TGFB2: variants seen among roughly 807,000 people sequenced by gnomAD.
TGFB2 encodes transforming growth factor beta 2.
A neutral mutation model predicts 42.7 loss-of-function variants in TGFB2; 13 were observed. The observed-to-expected ratio is 0.30, with a 90% CI of 0.20 to 0.48. The LOEUF is 0.48. Among genes scored for constraint, TGFB2 ranks in the 20% least tolerant of loss-of-function variants. The pLI is 0.99. For missense variants in TGFB2, 390 were observed against 517.5 expected (o/e 0.75, Z 2.39); for synonymous variants, 193 against 193.6 (o/e 1.00, Z 0.03).
intron 1 of TGFB2, among the ~76,000 whole-genome samples, chr1:218,396,474 G>T (rs565973039): frequency 6.6e-6 from 1 of 151,876 alleles, no homozygotes; most frequent in Non-Finnish European, 1.5e-5. Context: ...GAGTACACAG[G>T]TTCTTCCAGG....
At chr1:218,379,997 C>G (rs1284085450) in intron 1 of TGFB2, among the ~76,000 whole-genome samples, 1 of 152,156 alleles carries the variant, frequency 6.6e-6, no homozygotes, top group East Asian at 1.9e-4. Context: ...CTCTTCTAAA[C>G]ACTTTTAGAG....
chr1:218,377,820 A>T (rs961787452), intron 1 of TGFB2, among the ~76,000 whole-genome samples: 6 of 152,166 alleles, frequency 3.9e-5, no homozygotes, highest in Non-Finnish European at 8.8e-5. Context: ...GACCTTACTG[A>T]GAAAAAAGTC....
intron 2 of TGFB2, among the ~76,000 whole-genome samples, chr1:218,432,590 A>G (rs528250187): frequency 6.6e-6 from 1 of 152,360 alleles, no homozygotes; most frequent in South Asian, 2.1e-4. Flanking sequence ...ACATTTTCAG[A>G]TGAGTGGAAA....
intron 1 of TGFB2, among the ~76,000 whole-genome samples, chr1:218,375,406 AC>A (rs1657707638): frequency 8.3e-6 from 1 of 121,048 alleles, no homozygotes; most frequent in African/African-American, 3.7e-5. Context: ...CCCTTTCTGA[AC>A]TTTTTTTTTT....
At chr1:218,380,259 A>C (rs934856766) in intron 1 of TGFB2, among the ~76,000 whole-genome samples, 1 of 152,222 alleles carries the variant, frequency 6.6e-6, no homozygotes, top group Non-Finnish European at 1.5e-5. Flanking sequence ...AAACTCTGGA[A>C]TGAAAATGGC....
intron 2 of TGFB2, among the ~76,000 whole-genome samples, chr1:218,417,566 A>C (rs1659321824): frequency 6.6e-6 from 1 of 152,252 alleles, no homozygotes; most frequent in African/African-American, 2.4e-5. Context: ...TTGAAGCTGG[A>C]TGCAAAAATT....
At chr1:218,395,665 G>GCAGTGGC (rs1165939743) in intron 1 of TGFB2, among the ~76,000 whole-genome samples, 3 of 148,158 alleles carry the variant, frequency 2.0e-5, no homozygotes, top group South Asian at 2.1e-4. Context: ...AGGCTGGAGT[G>GCAGTGGC]CAGTGGCGCA....
chr1:218,377,926 C>T (rs1226840586), intron 1 of TGFB2, among the ~76,000 whole-genome samples: 1 of 152,136 alleles, frequency 6.6e-6, no homozygotes, highest in African/African-American at 2.4e-5. Context: ...GCCACCACCT[C>T]CTTCGTTTTA....
intron 1 of TGFB2, among the ~76,000 whole-genome samples, chr1:218,371,559 G>A (rs1363208064): frequency 6.6e-6 from 1 of 152,144 alleles, no homozygotes; most frequent in Non-Finnish European, 1.5e-5. Flanking sequence ...GCAGTACCAG[G>A]TTTCTAAAGC....
At chr1:218,375,610 C>A (rs1657716133) in intron 1 of TGFB2, among the ~76,000 whole-genome samples, 1 of 152,006 alleles carries the variant, frequency 6.6e-6, no homozygotes, top group African/African-American at 2.4e-5. Context: ...ATTCTGAAAA[C>A]CATAGAAAAA....
Position 218,346,696 on chromosome 1 carries a change from T to TA in TGFB2, c.1dup. On this transcript the variant is annotated 5_prime_UTR_variant, in exon 1 of 7. Coordinates refer to ENST00000366930, the MANE Select transcript of TGFB2 (RefSeq NM_003238.6). This position sits in a 1 kb window ranked among gnomAD's most constrained non-coding sequence, Gnocchi z 4.9. Reference sequence around the variant, plus strand: ...AAAACAACTTTTTTTTCCACTTTTTTAAAAAATGCACTACTGTGTGCTGAG... The same window carrying TA: ...AAAACAACTTTTTTTTCCACTTTTTTAAAAAAATGCACTACTGTGTGCTGAG... The TA allele has an allele frequency of 6.4e-7, 1 of 1,571,266 alleles. No individual in the cohort carries two copies. The highest frequency in any genetic ancestry group is 8.6e-7 in the Non-Finnish European group (1 of 1,165,906).
intron 1 of TGFB2, among the ~76,000 whole-genome samples, chr1:218,389,497 T>A (rs10482765): frequency 0.013 from 1,941 of 152,328 alleles, 38 homozygotes; most frequent in African/African-American, 0.041. Context: ...AATCCAGTGC[T>A]ACAGTCAGAC....
chr1:218,387,228 G>A (rs1658165840), intron 1 of TGFB2, among the ~76,000 whole-genome samples: 1 of 143,878 alleles, frequency 7.0e-6, no homozygotes, highest in Non-Finnish European at 1.5e-5. Context: ...GCAGAGTCCA[G>A]TATGGCAGGG....
At chr1:218,386,211 A>C (rs1163287014) in intron 1 of TGFB2, among the ~76,000 whole-genome samples, 1 of 151,886 alleles carries the variant, frequency 6.6e-6, no homozygotes, top group Non-Finnish European at 1.5e-5. Flanking sequence ...TTGATTTGCA[A>C]ATTTCCAGCT....
At chr1:218,419,416 C>G (rs561594479) in intron 2 of TGFB2, among the ~76,000 whole-genome samples, 1 of 152,216 alleles carries the variant, frequency 6.6e-6, no homozygotes, top group African/African-American at 2.4e-5. Context: ...GTCGCTTTTC[C>G]CAACACATCC....
intron 2 of TGFB2, among the ~76,000 whole-genome samples, chr1:218,428,641 G>A (rs1407906115): frequency 6.6e-6 from 1 of 152,144 alleles, no homozygotes; most frequent in African/African-American, 2.4e-5. Flanking sequence ...AGATCAGATG[G>A]TCGTAGATGT....
chr1:218,355,190 G>A (rs1656994207), intron 1 of TGFB2, among the ~76,000 whole-genome samples: 1 of 152,124 alleles, frequency 6.6e-6, no homozygotes, highest in South Asian at 2.1e-4. Context: ...CCGAGCCACC[G>A]TGCCCAGCCT....
At chr1:218,419,695 C>T (rs12048582) in intron 2 of TGFB2, among the ~76,000 whole-genome samples, 35,148 of 151,974 alleles carry the variant, frequency 0.23, 4,507 homozygotes, top group East Asian at 0.55. Context: ...CTCATTTATT[C>T]GGATTTGGAA....
intron 1 of TGFB2, among the ~76,000 whole-genome samples, chr1:218,366,748 G>C (rs1657400033): frequency 6.6e-6 from 1 of 152,208 alleles, no homozygotes; most frequent in Non-Finnish European, 1.5e-5. Context: ...ATTTTAAACA[G>C]GCACTGCAGG....
Sources: gnomAD v4.1 joint callset for allele counts (sites outside exome capture counted in the v4.1 genomes callset) on GRCh38, gnomAD v4.1.1 for gene constraint, Gnocchi (gnomAD v3.1) non-coding constraint, MANE v1.5 for transcripts, NCBI Gene and HGNC (gene_info 2026-07-23, HGNC 2026-07-21) for gene names.